The following IER5 variants were observed in gnomAD, a reference collection of about 807,000 sequenced individuals.
The protein encoded by IER5 is immediate early response 5, also known as immediate early response gene 5 protein.
In IER5, 3 loss-of-function variants were observed where a neutral mutation model predicts 8.2. The ratio of observed to expected loss-of-function variants is 0.36; its 90% CI spans 0.17 to 0.94. The LOEUF (loss-of-function observed/expected upper bound fraction) is 0.94, where lower values mean the gene tolerates loss of function less well. Among genes scored for constraint, IER5 ranks in the 40% least tolerant of loss-of-function variants. IER5 has a pLI of 0.43. For missense variants in IER5, 531 were observed against 494.3 expected, an observed-to-expected ratio of 1.07 and a Z score of -0.70; for synonymous variants, 286 against 230.1, an observed-to-expected ratio of 1.24 and a Z score of -2.20.
Position 181,089,955 on chromosome 1 carries a change from C to T in IER5, c.*69C>T, listed in dbSNP as rs1430791491. The T allele has an allele frequency of 8.4e-6, 13 of 1,556,264 alleles. No individual in the cohort carries two copies. The highest frequency in any genetic ancestry group is 1.2e-5 in the South Asian group (1 of 84,894). On this transcript the variant is annotated 3_prime_UTR_variant, in exon 1 of 1. Coordinates refer to ENST00000367577, the MANE Select transcript of IER5 (RefSeq NM_016545.5). ...CCCGAAGTGAGGGCCAGGCCCTTCC[C>T]GGCTGCGAGGACGCCCAGAGACCGC...
Position 181,089,331 on chromosome 1 carries a change from C to T in IER5, c.429C>T (p.Arg143=). ...EADATEAAWS[R]VEGPRQAAAR... ...ACGCGACGGAAGCTGCCTGGAGCCG[C>T]GTGGAGGGGCCGCGCCAGGCGGCGG... The change falls in exon 1 of 1, where the codon CGC becomes CGT. Residue 143 remains arginine (R), a synonymous_variant. Transcript: ENST00000367577. 2 of 1,533,218 alleles carry T rather than the reference C, an allele frequency of 1.3e-6. No homozygotes were observed. Among genetic ancestry groups the T allele is most frequent in the Non-Finnish European group, 1.8e-6 (2 of 1,142,494 alleles). The allele number at this position is 1,533,218 out of a possible 1,614,324, so 95.0% of individuals were successfully genotyped here.
chr1:181,089,552 G>A lies in IER5; in HGVS notation c.650G>A (p.Arg217Lys), dbSNP rs1381145463. Reference sequence around the variant, plus strand: ...CCCGCGCCGCCCGCGGTGTGCCCCAGGAAGCGCTGCGCGGCGGGGGTGGGC... The same window carrying A: ...CCCGCGCCGCCCGCGGTGTGCCCCAAGAAGCGCTGCGCGGCGGGGGTGGGC... ...EPPAPPAVCP[R>K]KRCAAGVGGG... Residue 217 changes from arginine (R) to lysine (K), a missense_variant, in exon 1 of 1, where the codon AGG (arginine) becomes AAG (lysine). Arg to Lys is a conservative substitution (Grantham distance 26). Coordinates refer to ENST00000367577, the MANE Select transcript of IER5 (RefSeq NM_016545.5). 9 of 1,472,382 alleles carry A rather than the reference G, an allele frequency of 6.1e-6. No individual in the cohort carries two copies. The highest frequency in any genetic ancestry group is 8.1e-6 in the Non-Finnish European group (9 of 1,112,940). 91.2% of individuals were successfully genotyped at this position (1,472,382 alleles called of 1,614,324 possible). A position where few individuals can be genotyped will look rare whatever the true frequency, so the allele number is the denominator to read the frequency against.
rs1463316096 is a variant in IER5 at position 181,091,115 on chromosome 1, AT to A, written c.*1232del. 2.6e-5 allele frequency: 4 copies of A among 152,156 alleles called. No homozygotes were observed. Among genetic ancestry groups the A allele is most frequent in the African/African-American group, 7.2e-5 (3 of 41,422 alleles). 9.4% of individuals were successfully genotyped at this position (152,156 alleles called of 1,614,324 possible). On this transcript the variant is annotated 3_prime_UTR_variant, in exon 1 of 1. Coordinates refer to ENST00000367577, the MANE Select transcript of IER5 (RefSeq NM_016545.5). ...CCTTTTCTAAGGTCAGTTTAGACCA[AT>A]TTGTCACCCAATATGTGGGTGTCTA...
At position 181,088,810 on chromosome 1, in the gene IER5, G is replaced by A; in HGVS notation, c.-93G>A. 2 of 1,295,060 alleles carry A rather than the reference G, an allele frequency of 1.5e-6. No individual in the cohort carries two copies. The highest frequency in any genetic ancestry group is 2.2e-6 in the Non-Finnish European group (2 of 919,082). 80.2% of individuals were successfully genotyped at this position (1,295,060 alleles called of 1,614,324 possible). A position where few individuals can be genotyped will look rare whatever the true frequency, so the allele number is the denominator to read the frequency against. ...TTCGGAGTCTTAGGTGATCGAGGGT[G>A]TGCCCAGGGGGCGGACTTGTTTGCG... On this transcript the variant is annotated 5_prime_UTR_variant, in exon 1 of 1. In the 5' UTR this introduces an upstream ATG that the reference lacks. Transcript: ENST00000367577.
rs1659459828 is a variant in IER5 at position 181,090,777 on chromosome 1, T to C, written c.*891T>C. ...GTACAGTATTTTCTCCTTCGTTGTA[T>C]TGATTTTTGTATAAAAATGTAACTT... On this transcript the variant is annotated 3_prime_UTR_variant, in exon 1 of 1. Transcript: ENST00000367577. 6.0e-6 allele frequency: 1 copy of C among 165,532 alleles called. No homozygotes were observed. Among genetic ancestry groups the C allele is most frequent in the Non-Finnish European group, 1.5e-5 (1 of 68,114 alleles). 10.3% of individuals were successfully genotyped at this position (165,532 alleles called of 1,614,324 possible).
Position 181,089,756 on chromosome 1 carries a change from C to G in IER5, c.854C>G (p.Pro285Arg). 1 of 1,613,870 alleles carries G rather than the reference C, an allele frequency of 6.2e-7. No homozygotes were observed. Among genetic ancestry groups the G allele is most frequent in the South Asian group, 1.1e-5 (1 of 91,074 alleles). The stretch of plus-strand genomic sequence containing the variant: ...TTCTCGGGACTCCTACGGAAAAGCC[C>G]CGGGGGCGGCAGAGAGGAAGAGGAG... ...SSFSGLLRKSPGGGREEEEGE... is the reference protein window; with the variant it reads ...SSFSGLLRKSRGGGREEEEGE... Residue 285 changes from proline to arginine, a missense_variant, in exon 1 of 1, where the codon CCC (proline) becomes CGC (arginine). Pro to Arg is a moderately radical substitution (Grantham distance 103, BLOSUM62 -2). Transcript: ENST00000367577.
rs1289049982 is a variant in IER5 at position 181,089,078 on chromosome 1, G to C, written c.176G>C (p.Gly59Ala). The change falls in exon 1 of 1, where the codon GGT (glycine) becomes GCT (alanine). Residue 59 changes from glycine (G) to alanine (A), a missense_variant. Physicochemically the swap from Gly to Ala is moderately conservative, Grantham distance 60. Coordinates refer to ENST00000367577, the MANE Select transcript of IER5 (RefSeq NM_016545.5). ...CCGTGCCCCGGCCTCTACCTGGCCG[G>C]TCCCGCTGGGACCCCGGCGCCGCCA... ...SDPCPGLYLAGPAGTPAPPPQ... is the reference protein window; with the variant it reads ...SDPCPGLYLAAPAGTPAPPPQ... 1.1e-5 allele frequency: 18 copies of C among 1,571,694 alleles called. No individual in the cohort carries two copies. The highest frequency in any genetic ancestry group is 1.5e-5 in the Non-Finnish European group (18 of 1,161,650).
Position 181,088,790 on chromosome 1 carries a change from A to C in IER5, c.-113A>C. ...CGTCACCAGAGTCGTTTCTCTTCGG[A>C]GTCTTAGGTGATCGAGGGTGTGCCC... On this transcript the variant is annotated 5_prime_UTR_variant, in exon 1 of 1. Transcript: ENST00000367577. The C allele has an allele frequency of 5.8e-5, 29 of 499,236 alleles. No homozygotes were observed. The highest frequency in any genetic ancestry group is 3.6e-4 in the Middle Eastern group (1 of 2,778). The allele number at this position is 499,236 out of a possible 1,614,324, so 30.9% of individuals were successfully genotyped here.
At position 181,089,540 on chromosome 1, in the gene IER5, C is replaced by T. The variant is rs1233519588; in HGVS notation, c.638C>T (p.Ala213Val). ...PAEDEPPAPP[A>V]VCPRKRCAAG... ...GAGGACGAGCCCCCCGCGCCGCCCG[C>T]GGTGTGCCCCAGGAAGCGCTGCGCG... The change falls in exon 1 of 1, where the codon GCG (alanine) becomes GTG (valine). Residue 213 changes from alanine to valine, a missense_variant. By Grantham distance (64) the Ala-to-Val change is moderately conservative (BLOSUM62 0). Coordinates refer to ENST00000367577, the MANE Select transcript of IER5 (RefSeq NM_016545.5). 2.3e-6 allele frequency: 3 copies of T among 1,298,774 alleles called. No homozygotes were observed. Among genetic ancestry groups the T allele is most frequent in the Non-Finnish European group, 2.9e-6 (3 of 1,023,454 alleles). 80.5% of individuals were successfully genotyped at this position (1,298,774 alleles called of 1,614,324 possible). A position where few individuals can be genotyped will look rare whatever the true frequency, so the allele number is the denominator to read the frequency against.
rs747589720 is a variant in IER5, at chr1:181,089,829, C to T, written c.927C>T (p.Cys309=). 28 of 1,613,528 alleles carry T rather than the reference C, an allele frequency of 1.7e-5. No homozygotes were observed. Among genetic ancestry groups the T allele is most frequent in the Admixed American group, 1.0e-4 (6 of 59,974 alleles). The change falls in exon 1 of 1, where the codon TGC becomes TGT. Residue 309 remains cysteine, a synonymous_variant. Coordinates refer to ENST00000367577, the MANE Select transcript of IER5 (RefSeq NM_016545.5). ...PEAAEPGQIC[C]DKPVLRDMNP... Reference sequence around the variant, plus strand: ...CCGCCGAGCCCGGGCAGATCTGCTGCGATAAGCCGGTGCTGAGAGACATGA... The same window carrying T: ...CCGCCGAGCCCGGGCAGATCTGCTGTGATAAGCCGGTGCTGAGAGACATGA...
chr1:181,089,803 G>A lies in IER5; in HGVS notation c.901G>A (p.Ala301Thr), dbSNP rs1316812135. Residue 301 changes from alanine to threonine, a missense_variant, in exon 1 of 1, where the codon GCC (alanine) becomes ACC (threonine). Transcript: ENST00000367577. Reference sequence around the variant, plus strand: ...GGAGGGAGAGGAGAGCGGTCCGGAAGCCGCCGAGCCCGGGCAGATCTGCTG... The same window carrying A: ...GGAGGGAGAGGAGAGCGGTCCGGAAACCGCCGAGCCCGGGCAGATCTGCTG... ...EEEGEESGPE[A>T]AEPGQICCDK... 3 of 1,613,472 alleles carry A rather than the reference G, an allele frequency of 1.9e-6. No homozygotes were observed. Among genetic ancestry groups the A allele is most frequent in the African/African-American group, 2.7e-5 (2 of 74,954 alleles).
Position 181,089,173 on chromosome 1 carries a change from G to A in IER5, c.271G>A (p.Ala91Thr), listed in dbSNP as rs779415580. 2 of 1,475,730 alleles carry A rather than the reference G, an allele frequency of 1.4e-6. No homozygotes were observed. Among genetic ancestry groups the A allele is most frequent in the South Asian group, 1.4e-5 (1 of 73,602 alleles). 91.4% of individuals were successfully genotyped at this position (1,475,730 alleles called of 1,614,324 possible). A position where few individuals can be genotyped will look rare whatever the true frequency, so the allele number is the denominator to read the frequency against. ...AGWGEPPPPA[A>T]RASWPETEPQ... ...CTGGGGAGAGCCGCCCCCGCCCGCCGCTCGTGCCTCTTGGCCGGAGACCGA... is the reference window on the plus strand; with the variant it reads ...CTGGGGAGAGCCGCCCCCGCCCGCCACTCGTGCCTCTTGGCCGGAGACCGA... Residue 91 changes from alanine to threonine, a missense_variant, in exon 1 of 1, where the codon GCT (alanine) becomes ACT (threonine). Ala to Thr is a moderately conservative substitution (Grantham distance 58, BLOSUM62 0). Coordinates refer to ENST00000367577, the MANE Select transcript of IER5 (RefSeq NM_016545.5).
Position 181,088,736 on chromosome 1 carries a change from G to T in IER5, c.-167G>T, listed in dbSNP as rs954383841. 1.8e-5 allele frequency: 12 copies of T among 651,100 alleles called. No individual in the cohort carries two copies. Among genetic ancestry groups the T allele is most frequent in the Admixed American group, 6.5e-5 (2 of 30,994 alleles). 40.3% of individuals were successfully genotyped at this position (651,100 alleles called of 1,614,324 possible). On this transcript the variant is annotated 5_prime_UTR_variant, in exon 1 of 1. Transcript: ENST00000367577. ...GGACCCGAAACGGGGAAGTTGTCTTGTTTGGAGAGGTTAGTAGAGCAGCGC... is the reference window on the plus strand; with the variant it reads ...GGACCCGAAACGGGGAAGTTGTCTTTTTTGGAGAGGTTAGTAGAGCAGCGC...
In IER5 at chr1:181,089,192, A is replaced by T. The variant is rs774098360; in HGVS notation, c.290A>T (p.Glu97Val). The change falls in exon 1 of 1, where the codon GAG (glutamate) becomes GTG (valine). Residue 97 changes from glutamate to valine, a missense_variant. Glu to Val is a moderately radical substitution (Grantham distance 121, BLOSUM62 -2). Transcript: ENST00000367577. ...CCCGCCGCTCGTGCCTCTTGGCCGGAGACCGAGCCGCAGCCGGAGCGCTCC... is the reference window on the plus strand; with the variant it reads ...CCCGCCGCTCGTGCCTCTTGGCCGGTGACCGAGCCGCAGCCGGAGCGCTCC... ...PPPAARASWP[E>V]TEPQPERSSV... The T allele has an allele frequency of 6.6e-7, 1 of 1,524,894 alleles. No homozygotes were observed. Among genetic ancestry groups the T allele is most frequent in the Non-Finnish European group, 8.8e-7 (1 of 1,138,366 alleles). 94.5% of individuals were successfully genotyped at this position (1,524,894 alleles called of 1,614,324 possible). A position where few individuals can be genotyped will look rare whatever the true frequency, so the allele number is the denominator to read the frequency against.
In IER5 at chr1:181,088,721, C is replaced by G. The variant is rs568817881; in HGVS notation, c.-182C>G. The G allele has an allele frequency of 9.0e-5, 54 of 598,702 alleles. No individual in the cohort carries two copies. Among genetic ancestry groups the G allele is most frequent in the Middle Eastern group, 4.5e-4 (1 of 2,232 alleles). The allele number at this position is 598,702 out of a possible 1,614,324, so 37.1% of individuals were successfully genotyped here. ...CCCTGTTTAGCGACCGGACCCGAAA[C>G]GGGGAAGTTGTCTTGTTTGGAGAGG... On this transcript the variant is annotated 5_prime_UTR_variant, in exon 1 of 1. Coordinates refer to ENST00000367577, the MANE Select transcript of IER5 (RefSeq NM_016545.5).
Position 181,089,332 on chromosome 1 carries a change from G to C in IER5, c.430G>C (p.Val144Leu). Residue 144 changes from valine to leucine, a missense_variant, in exon 1 of 1, where the codon GTG (valine) becomes CTG (leucine). Physicochemically the swap from Val to Leu is conservative, Grantham distance 32. Transcript: ENST00000367577. ...ADATEAAWSR[V>L]EGPRQAAARE... The stretch of plus-strand genomic sequence containing the variant: ...CGCGACGGAAGCTGCCTGGAGCCGC[G>C]TGGAGGGGCCGCGCCAGGCGGCGGC... 1.3e-6 allele frequency: 2 copies of C among 1,533,862 alleles called. No individual in the cohort carries two copies. Among genetic ancestry groups the C allele is most frequent in the Non-Finnish European group, 8.8e-7 (1 of 1,142,796 alleles).
rs766434054 is a variant in IER5 at position 181,089,040 on chromosome 1, C to T, written c.138C>T (p.Val46=). 6.2e-7 allele frequency: 1 copy of T among 1,609,918 alleles called. No homozygotes were observed. Residue 46 remains valine, a synonymous_variant, in exon 1 of 1, where the codon GTC becomes GTT. Coordinates refer to ENST00000367577, the MANE Select transcript of IER5 (RefSeq NM_016545.5). ...VSLVLRSARQ[V]YLSDPCPGLY... is the part of the protein sequence containing the mutation. ...TGGTGCTGCGCAGCGCCCGCCAAGT[C>T]TACCTGAGCGACCCGTGCCCCGGCC...
chr1:181,090,232 C>T lies in IER5; in HGVS notation c.*346C>T. On this transcript the variant is annotated 3_prime_UTR_variant, in exon 1 of 1. Transcript: ENST00000367577. ...GCAGACAGGGACTTTCCTCTGCCGGCTGCGTGGAGAAGGAAGCGGCTAAAA... is the reference window on the plus strand; with the variant it reads ...GCAGACAGGGACTTTCCTCTGCCGGTTGCGTGGAGAAGGAAGCGGCTAAAA... The T allele has an allele frequency of 3.3e-6, 1 of 299,432 alleles. No individual in the cohort carries two copies. The highest frequency in any genetic ancestry group is 6.6e-6 in the Non-Finnish European group (1 of 150,932). The allele number at this position is 299,432 out of a possible 1,614,324, so 18.5% of individuals were successfully genotyped here. A position where few individuals can be genotyped will look rare whatever the true frequency, so the allele number is the denominator to read the frequency against.
In IER5 at chr1:181,089,969, C is replaced by T. The variant is rs1659431615; in HGVS notation, c.*83C>T. The T allele has an allele frequency of 6.6e-7, 1 of 1,523,904 alleles. No homozygotes were observed. The highest frequency in any genetic ancestry group is 2.4e-5 in the Admixed American group (1 of 42,290). The allele number at this position is 1,523,904 out of a possible 1,614,324, so 94.4% of individuals were successfully genotyped here. A position where few individuals can be genotyped will look rare whatever the true frequency, so the allele number is the denominator to read the frequency against. ...CAGGCCCTTCCCGGCTGCGAGGACG[C>T]CCAGAGACCGCGGGCGCTGAGCGCG... On this transcript the variant is annotated 3_prime_UTR_variant, in exon 1 of 1. Coordinates refer to ENST00000367577, the MANE Select transcript of IER5 (RefSeq NM_016545.5).
Sources: allele counts gnomAD v4.1 joint callset, GRCh38; gene constraint gnomAD v4.1.1; transcripts MANE v1.5; gene names NCBI Gene and HGNC (gene_info 2026-07-23, HGNC 2026-07-21).